The following SLCO2B1 variants were observed in gnomAD, a reference collection of about 807,000 sequenced individuals.
SLCO2B1 encodes the protein solute carrier organic anion transporter family member 2B1, also known as OATP-RP2.
SLCO2B1 carries 41 observed loss-of-function variants against 67.3 expected under a neutral mutation model. The observed-to-expected ratio is 0.61, with a 90% confidence interval of 0.47 to 0.79. The LOEUF is 0.79. SLCO2B1 is among the 30% of genes least tolerant of loss of function. The probability of loss-of-function intolerance (pLI) is 0.00; values close to 1 mark genes in which losing one functional copy is unlikely to be tolerated. For synonymous variants in SLCO2B1, 379 were observed against 381.4 expected (o/e 0.99, Z 0.07); for missense variants, 837 against 920.1 (o/e 0.91, Z 1.17).
rs779769560 is a variant in SLCO2B1 at position 75,200,399 on chromosome 11, G to T, written c.1763+12G>T. On this transcript the variant is annotated intron_variant, in intron 11 of 13. Transcript: ENST00000289575. The stretch of plus-strand genomic sequence containing the variant: ...ATGCTCATCCTAAGGTGAAGGTGGG[G>T]GTGGGGCAGGGGCAGGTGGATACCA... 2.5e-6 allele frequency: 4 copies of T among 1,577,904 alleles called. No homozygotes were observed. Among genetic ancestry groups the T allele is most frequent in the Admixed American group, 3.5e-5 (2 of 57,816 alleles).
intron 13 of SLCO2B1, chr11:75,204,164 G>T: frequency 5.4e-6 from 2 of 372,226 alleles, no homozygotes; most frequent in Non-Finnish European, 9.5e-6. Flanking sequence ...AGAGAGGCAG[G>T]GCCAGGCCAG....
In SLCO2B1 at chr11:75,193,988, TGGGGACGAGA is replaced by T. The variant is rs1945065463; in HGVS notation, c.1433+419_1433+428del. On this transcript the variant is annotated intron_variant, in intron 9 of 13. Transcript: ENST00000289575. This position sits in a 1 kb window ranked among gnomAD's most constrained non-coding sequence, Gnocchi z 4.2. ...CCAGGAGGAAGCATGCTCTCCATCC[TGGGGACGAGA>T]GGGGATGAGAGGGTGAGCAAGGGAC... 6.6e-6 allele frequency among the ~76,000 whole-genome samples: 1 copy of T among 152,058 alleles called. No homozygotes were observed. The highest frequency in any genetic ancestry group is 1.5e-5 in the Non-Finnish European group (1 of 68,004).
At chr11:75,194,841 C>T (rs922878260) in intron 9 of SLCO2B1, among the ~76,000 whole-genome samples, 1 of 152,224 alleles carries the variant, frequency 6.6e-6, no homozygotes, top group Non-Finnish European at 1.5e-5. Context: ...CACACCTTAG[C>T]TTTGACATCT....
At chr11:75,202,748 C>T (rs1945201413) in intron 11 of SLCO2B1, 153 bp from the exon 12 acceptor site, 1 of 704,706 alleles carries the variant, frequency 1.4e-6, no homozygotes, top group South Asian at 1.6e-5. Flanking sequence ...TGGGGTACGT[C>T]CCTGAGCCCC....
At chr11:75,176,105 G>A (rs368446095) in intron 7 of SLCO2B1, among the ~76,000 whole-genome samples, 1 of 152,186 alleles carries the variant, frequency 6.6e-6, no homozygotes, top group African/African-American at 2.4e-5. Flanking sequence ...AGTCCCCAAG[G>A]TCCTGCTAGG....
At position 75,204,457 on chromosome 11, in the gene SLCO2B1, T is replaced by G; in HGVS notation, c.2007T>G (p.Val669=). 6.2e-7 allele frequency: 1 copy of G among 1,613,056 alleles called. No homozygotes were observed. Among genetic ancestry groups the G allele is most frequent in the African/African-American group, 1.3e-5 (1 of 75,026 alleles). The part of the protein sequence containing the change: ...KTGSVICFAL[V]LAVLRQQDKE... The stretch of plus-strand genomic sequence containing the variant: ...GTTCTGTGATCTGCTTCGCCTTAGT[T>G]TTGGCTGTCCTGAGGCAGCAGGACA... The change falls in exon 14 of 14, where the codon GTT becomes GTG. Residue 669 remains valine (V), a synonymous_variant. Transcript: ENST00000289575.
At chr11:75,178,093 C>CA (rs71804511) in intron 7 of SLCO2B1, among the ~76,000 whole-genome samples, 14,330 of 83,908 alleles carry the variant, frequency 0.17, 1,376 homozygotes, top group East Asian at 0.46. Context: ...GATTCCATCT[C>CA]AAAAAAAAAA....
intron 7 of SLCO2B1, among the ~76,000 whole-genome samples, chr11:75,175,765 C>T (rs1481898173): frequency 7.2e-5 from 11 of 152,074 alleles, no homozygotes; most frequent in Non-Finnish European, 2.9e-5. Context: ...GCCCCTGCCC[C>T]GAGGAGGTCT....
intron 1 of SLCO2B1, among the ~76,000 whole-genome samples, chr11:75,152,676 C>T (rs1229560896): frequency 6.6e-6 from 1 of 152,122 alleles, no homozygotes; most frequent in Non-Finnish European, 1.5e-5. Flanking sequence ...CCACAAGTCC[C>T]CCCAGTACTA....
rs773033534 is a variant in SLCO2B1 at position 75,169,237 on chromosome 11, C to G, written c.513C>G (p.Ala171=). Residue 171 remains alanine, a synonymous_variant, in exon 5 of 14, where the codon GCC becomes GCG. Transcript: ENST00000289575. Reference sequence around the variant, plus strand: ...CCACAACCTCGGCCCCAGCCTCGGCCCCCTCCAATGGCAACTGCTCAAGCT... The same window carrying G: ...CCACAACCTCGGCCCCAGCCTCGGCGCCCTCCAATGGCAACTGCTCAAGCT... ...CLPTTSAPAS[A]PSNGNCSSYT... is the part of the protein sequence containing the mutation. The G allele has an allele frequency of 6.2e-7, 1 of 1,614,208 alleles. No individual in the cohort carries two copies. Among genetic ancestry groups the G allele is most frequent in the Non-Finnish European group, 8.5e-7 (1 of 1,180,034 alleles).
intron 6 of SLCO2B1, 149 bp downstream of exon 6, chr11:75,169,913 C>A (rs1401523171): frequency 1.6e-6 from 1 of 626,608 alleles, no homozygotes; most frequent in East Asian, 2.7e-5. Flanking sequence ...TCAGCTTTCT[C>A]ATCTGTGAGA....
In SLCO2B1 at chr11:75,193,385, T is replaced by A; in HGVS notation, c.1243T>A (p.Cys415Ser). The A allele has an allele frequency of 6.2e-7, 1 of 1,614,236 alleles. No homozygotes were observed. The highest frequency in any genetic ancestry group is 8.5e-7 in the Non-Finnish European group (1 of 1,180,034). Reference sequence around the variant, plus strand: ...CTCCTACGCCAACCTGCTCATCGGCTGCCTCTCCTTCCCTTCGGTCATCGT... The same window carrying A: ...CTCCTACGCCAACCTGCTCATCGGCAGCCTCTCCTTCCCTTCGGTCATCGT... ...TASYANLLIG[C>S]LSFPSVIVGI... Residue 415 changes from cysteine (C) to serine (S), a missense_variant, in exon 9 of 14, where the codon TGC (cysteine) becomes AGC (serine). By Grantham distance (112) the Cys-to-Ser change is moderately radical (BLOSUM62 -1). Coordinates refer to ENST00000289575, the MANE Select transcript of SLCO2B1 (RefSeq NM_007256.5). This position sits in a 1 kb window ranked among gnomAD's most constrained non-coding sequence, Gnocchi z 4.2.
chr11:75,167,498 G>A (rs758135771), intron 4 of SLCO2B1, among the ~76,000 whole-genome samples: 2 of 152,074 alleles, frequency 1.3e-5, no homozygotes, highest in South Asian at 2.1e-4. Flanking sequence ...GGAGAGACTC[G>A]GGGATCTCCA....
intron 4 of SLCO2B1, among the ~76,000 whole-genome samples, chr11:75,167,329 T>C (rs80354316): frequency 6.6e-6 from 1 of 152,216 alleles, no homozygotes; most frequent in Non-Finnish European, 1.5e-5. Flanking sequence ...CACATTTCTT[T>C]GTACAGAATT....
In SLCO2B1 at chr11:75,203,312, A is replaced by C. The variant is rs1398060789; in HGVS notation, c.1834A>C (p.Met612Leu). 2 of 1,613,584 alleles carry C rather than the reference A, an allele frequency of 1.2e-6. No homozygotes were observed. The highest frequency in any genetic ancestry group is 1.7e-6 in the Non-Finnish European group (2 of 1,179,988). The change falls in exon 13 of 14, where the codon ATG (methionine) becomes CTG (leucine). Residue 612 changes from methionine to leucine, a missense_variant. Met to Leu is a conservative substitution (Grantham distance 15). Coordinates refer to ENST00000289575, the MANE Select transcript of SLCO2B1 (RefSeq NM_007256.5). ...CTGAGCACCACCTCCCTCAGCCTGG[A>C]TGCCCAGCCCCGTGATCCACGGCAG... ...QFMFLRILAW[M>L]PSPVIHGSAI...
intron 6 of SLCO2B1, among the ~76,000 whole-genome samples, chr11:75,172,089 C>T (rs992623790): frequency 1.3e-5 from 2 of 152,148 alleles, no homozygotes; most frequent in African/African-American, 2.4e-5. Context: ...GTGTAGGTTG[C>T]CCAAGGTTAT....
rs1465594241 is a variant in SLCO2B1 at position 75,205,891 on chromosome 11, A to G, written c.*1311A>G. On this transcript the variant is annotated 3_prime_UTR_variant, in exon 14 of 14. Transcript: ENST00000289575. The stretch of plus-strand genomic sequence containing the variant: ...GGACCTACTGCTCGGGAGGCAGCAG[A>G]CAGGGAGCCACCAGCAGTGGCTTCC... 2 of 152,188 alleles carry G rather than the reference A, an allele frequency of 1.3e-5. No homozygotes were observed. Among genetic ancestry groups the G allele is most frequent in the Admixed American group, 6.5e-5 (1 of 15,278 alleles). The allele number at this position is 152,188 out of a possible 1,614,324, so 9.4% of individuals were successfully genotyped here. A position where few individuals can be genotyped will look rare whatever the true frequency, so the allele number is the denominator to read the frequency against.
chr11:75,151,295 C>T lies in SLCO2B1; in HGVS notation c.-87C>T. ...CTCACCTGCTGCTGTCTCCAGGAGC[C>T]CCTGAGAAGATTTGCTTCCTCTCCC... On this transcript the variant is annotated 5_prime_UTR_variant, in exon 1 of 14. Coordinates refer to ENST00000289575, the MANE Select transcript of SLCO2B1 (RefSeq NM_007256.5). The T allele has an allele frequency of 8.0e-7, 1 of 1,249,264 alleles. No individual in the cohort carries two copies. The highest frequency in any genetic ancestry group is 2.4e-5 in the East Asian group (1 of 41,652). 77.4% of individuals were successfully genotyped at this position (1,249,264 alleles called of 1,614,324 possible). A position where few individuals can be genotyped will look rare whatever the true frequency, so the allele number is the denominator to read the frequency against.
intron 13 of SLCO2B1, chr11:75,204,140 G>C: frequency 2.9e-6 from 1 of 342,548 alleles, no homozygotes; most frequent in East Asian, 4.6e-5. Flanking sequence ...GGCCCCCTGA[G>C]CCCTTGGGCT....
Sources: allele counts gnomAD v4.1 joint callset (sites outside exome capture counted in the v4.1 genomes callset), GRCh38; gene constraint gnomAD v4.1.1; non-coding constraint Gnocchi (gnomAD v3.1); transcripts MANE v1.5; gene names NCBI Gene and HGNC (gene_info 2026-07-23, HGNC 2026-07-21).